TUSC3: variants seen among roughly 807,000 people sequenced by gnomAD.
TUSC3 encodes dolichyl-diphosphooligosaccharide--protein glycosyltransferase subunit TUSC3.
Under a neutral mutation model 44.8 loss-of-function variants are expected in TUSC3, and 45 were observed. The ratio of observed to expected loss-of-function variants is 1.00; its 90% CI spans 0.79 to 1.29. The LOEUF is 1.29. TUSC3 is among the 50% of genes most tolerant of loss of function. TUSC3 has a pLI of 0.00. For missense variants in TUSC3, 519 were observed against 437.9 expected (o/e 1.19, Z -1.65); for synonymous variants, 212 against 152.9 (o/e 1.39, Z -2.85).
At chr8:15,543,905 T>C (rs1801775093) in intron 1 of TUSC3, among the ~76,000 whole-genome samples, 1 of 116,114 alleles carries the variant, frequency 8.6e-6, no homozygotes, top group African/African-American at 3.3e-5. Context: ...TGATATCCCA[T>C]GGATTTGTGT....
At chr8:15,476,198 A>C (rs1270198911) in intron 1 of TUSC3, among the ~76,000 whole-genome samples, 1 of 152,214 alleles carries the variant, frequency 6.6e-6, no homozygotes, top group East Asian at 1.9e-4. Context: ...AGAATTTTTA[A>C]AACCAAGTAA....
At chr8:15,703,249 CTT>C (rs1809480480) in intron 6 of TUSC3, among the ~76,000 whole-genome samples, 1 of 152,042 alleles carries the variant, frequency 6.6e-6, no homozygotes, top group Admixed American at 6.6e-5. Flanking sequence ...AGATATGTAA[CTT>C]GAGCCTAATT....
intron 4 of TUSC3, among the ~76,000 whole-genome samples, chr8:15,660,163 T>C (rs1807355630): frequency 6.6e-6 from 1 of 152,054 alleles, no homozygotes. Flanking sequence ...CAATCAAGGA[T>C]GATTTAAATT....
chr8:15,631,117 T>G (rs1379898949), intron 2 of TUSC3, among the ~76,000 whole-genome samples: 1 of 152,224 alleles, frequency 6.6e-6, no homozygotes, highest in Non-Finnish European at 1.5e-5. Context: ...GTGTCATGCC[T>G]TTTACATGTT....
At chr8:15,433,595 C>G (rs928665674) in intron 1 of TUSC3, among the ~76,000 whole-genome samples, 3 of 152,008 alleles carry the variant, frequency 2.0e-5, no homozygotes, top group African/African-American at 7.2e-5. Context: ...CACACCACCA[C>G]CGCCACCACC....
intron 1 of TUSC3, among the ~76,000 whole-genome samples, chr8:15,434,191 T>G (rs975849422): frequency 6.6e-6 from 1 of 152,196 alleles, no homozygotes; most frequent in Non-Finnish European, 1.5e-5. Flanking sequence ...GTAATTTTTA[T>G]TACCCTAATT....
At chr8:15,775,664 A>G in the TUSC3 span, among the ~76,000 whole-genome samples, 1 of 145,532 alleles carries the variant, frequency 6.9e-6, no homozygotes, top group Non-Finnish European at 1.5e-5. Context: ...ACACATATAC[A>G]TATATACACA....
chr8:15,431,659 A>ATT (rs140661782), intron 1 of TUSC3, among the ~76,000 whole-genome samples: 21,130 of 150,886 alleles, frequency 0.14, 1,756 homozygotes, highest in Middle Eastern at 0.22. Context: ...TTTGGATTCC[A>ATT]TTTTTTCTTG....
the TUSC3 span, among the ~76,000 whole-genome samples, chr8:15,840,695 A>C: frequency 1.3e-5 from 2 of 152,200 alleles, no homozygotes; most frequent in Non-Finnish European, 2.9e-5. Flanking sequence ...ATAAATAGAA[A>C]AACACTTTTA....
chr8:15,593,666 A>T (rs1009687446), intron 1 of TUSC3, among the ~76,000 whole-genome samples: 1 of 152,144 alleles, frequency 6.6e-6, no homozygotes, highest in African/African-American at 2.4e-5. Context: ...TAAGTCTGTT[A>T]TCTGTGCCTT....
intron 1 of TUSC3, among the ~76,000 whole-genome samples, chr8:15,477,988 C>T (rs548931772): frequency 1.1e-4 from 17 of 152,182 alleles, no homozygotes; most frequent in South Asian, 6.2e-4. Context: ...GACACAGTCT[C>T]GTTCTGTTGC....
At chr8:15,422,906 G>T (rs1799755387) in intron 1 of TUSC3, among the ~76,000 whole-genome samples, 2 of 152,126 alleles carry the variant, frequency 1.3e-5, no homozygotes, top group Non-Finnish European at 1.5e-5. Context: ...GCCTCCCAAA[G>T]TGCTGGGATT....
At chr8:15,809,074 C>G in the TUSC3 span, among the ~76,000 whole-genome samples, 2 of 152,244 alleles carry the variant, frequency 1.3e-5, no homozygotes, top group South Asian at 4.1e-4. Context: ...AGAAAGCCAG[C>G]AAACCCAGAT....
chr8:15,790,179 CTTTTTTTT>C, the TUSC3 span, among the ~76,000 whole-genome samples: 3 of 72,232 alleles, frequency 4.2e-5, no homozygotes, highest in Non-Finnish European at 7.2e-5. Flanking sequence ...TTGTTAAGGC[CTTTTTTTT>C]TTTTTTTTTT....
At chr8:15,631,533 C>G (rs1315621908) in intron 2 of TUSC3, among the ~76,000 whole-genome samples, 2 of 152,132 alleles carry the variant, frequency 1.3e-5, no homozygotes, top group African/African-American at 2.4e-5. Flanking sequence ...TGTTTTGCCA[C>G]TTTGCATTTT....
In TUSC3 at chr8:15,513,015, A is replaced by T. The variant is rs564338102; in HGVS notation, n.189+29532A>T. Among the ~76,000 whole-genome samples, 8 of 146,394 alleles carry T rather than the reference A, an allele frequency of 5.5e-5. No individual in the cohort carries two copies. In the Admixed American group the frequency reaches 5.5e-4, roughly 10 times the overall value. On this transcript the variant is annotated intron_variant and non_coding_transcript_variant, in intron 2 of 5. Transcript: ENST00000503191. ...TACATAAGTCAAATTTTTTTCCCAG[A>T]TTGCATGCTGCACGTTTAACCCCAT... is the stretch of plus-strand genomic sequence containing the variant.
chr8:15,838,709 G>A, the TUSC3 span, among the ~76,000 whole-genome samples: 3 of 152,040 alleles, frequency 2.0e-5, no homozygotes, highest in Admixed American at 6.5e-5. Flanking sequence ...CTGTTCCATT[G>A]GTCTATATCT....
At chr8:15,768,980 C>T (rs62437766), downstream of TUSC3, among the ~76,000 whole-genome samples, 342 of 152,174 alleles carry the variant, frequency 2.2e-3, 2 homozygotes, top group African/African-American at 7.9e-3. Context: ...AGATGAATAT[C>T]GTGAAAATGG....
intron 6 of TUSC3, among the ~76,000 whole-genome samples, chr8:15,689,951 G>C (rs1240914877): frequency 6.6e-6 from 1 of 151,326 alleles, no homozygotes; most frequent in Non-Finnish European, 1.5e-5. Flanking sequence ...CTTTGCTCCT[G>C]TGAATAGTGC....
Sources: gnomAD v4.1 joint callset for allele counts (sites outside exome capture counted in the v4.1 genomes callset) on GRCh38, gnomAD v4.1.1 for gene constraint, MANE v1.5 for transcripts, NCBI Gene and HGNC (gene_info 2026-07-23, HGNC 2026-07-21) for gene names.